The following FTO variants were observed in gnomAD, a reference collection of about 807,000 sequenced individuals.
FTO encodes alpha-ketoglutarate-dependent dioxygenase FTO.
In FTO, 47 loss-of-function variants were observed where a neutral mutation model predicts 63.9. The observed-to-expected ratio is 0.74, with a 90% CI of 0.58 to 0.94. The LOEUF (loss-of-function observed/expected upper bound fraction) is 0.94, where lower values mean the gene tolerates loss of function less well. Ranked by LOEUF, FTO falls within the 40% of genes least tolerant of loss-of-function variation. The probability of loss-of-function intolerance (pLI) is 0.00; values close to 1 mark genes in which losing one functional copy is unlikely to be tolerated. For missense variants in FTO, 562 were observed against 618.1 expected (o/e 0.91, Z 0.96); for synonymous variants, 207 against 224.4 (o/e 0.92, Z 0.69).
At chr16:53,851,047 G>A (rs1303073217) in intron 4 of FTO, among the ~76,000 whole-genome samples, 7 of 151,974 alleles carry the variant, frequency 4.6e-5, no homozygotes, top group Non-Finnish European at 1.0e-4. Flanking sequence ...ACACTACCTG[G>A]TAAAGCTTTT....
chr16:54,008,141 T>C (rs2084254062), intron 8 of FTO, among the ~76,000 whole-genome samples: 1 of 152,216 alleles, frequency 6.6e-6, no homozygotes, highest in Non-Finnish European at 1.5e-5. Flanking sequence ...TCTCCATAAA[T>C]GTAGGTTCCA....
chr16:53,904,911 G>A (rs181217368), intron 7 of FTO, among the ~76,000 whole-genome samples: 163 of 152,082 alleles, frequency 1.1e-3, no homozygotes, highest in Non-Finnish European at 2.1e-3. Flanking sequence ...GCAGGTTGAA[G>A]CCTTTACCTT....
intron 3 of FTO, among the ~76,000 whole-genome samples, chr16:53,832,424 G>GT (rs1490870629): frequency 6.6e-6 from 1 of 151,672 alleles, no homozygotes; most frequent in Non-Finnish European, 1.5e-5. Context: ...TTTTTTTATT[G>GT]TTTTTTATTT....
At chr16:53,873,081 C>G (rs2080545680) in intron 4 of FTO, among the ~76,000 whole-genome samples, 1 of 152,126 alleles carries the variant, frequency 6.6e-6, no homozygotes, top group Non-Finnish European at 1.5e-5. Flanking sequence ...ATGCAACATG[C>G]TGAGTTGGTT....
chr16:54,121,083 C>G lies in FTO; in HGVS notation c.*9168C>G, dbSNP rs1349434934. The G allele has an allele frequency of 6.6e-6, 1 of 152,340 alleles. No individual in the cohort carries two copies. The highest frequency in any genetic ancestry group is 1.9e-4 in the East Asian group (1 of 5,174). 9.4% of individuals were successfully genotyped at this position (152,340 alleles called of 1,614,324 possible). On this transcript the variant is annotated 3_prime_UTR_variant, in exon 9 of 9. Transcript: ENST00000471389. ...AGTTTTATTGGAACGCAGCCATGCT[C>G]ATCGGTTTATGTATTATCTATGGCT... is the stretch of plus-strand genomic sequence containing the variant.
chr16:53,850,209 C>T (rs943214323), intron 4 of FTO, among the ~76,000 whole-genome samples: 1 of 152,138 alleles, frequency 6.6e-6, no homozygotes, highest in South Asian at 2.1e-4. Context: ...CAAATGAGCA[C>T]CTGTCATGTT....
intron 4 of FTO, among the ~76,000 whole-genome samples, chr16:53,848,355 A>G (rs1293820687): frequency 2.0e-5 from 3 of 152,194 alleles, no homozygotes; most frequent in Non-Finnish European, 4.4e-5. Context: ...TGCTGTCTCA[A>G]GTAAATACTC....
At chr16:53,711,217 T>C (rs1236492438) in intron 1 of FTO, 5 of 377,632 alleles carry the variant, frequency 1.3e-5, no homozygotes, top group African/African-American at 4.2e-5. Flanking sequence ...TAAACTTATG[T>C]TGAGTGTCTA....
intron 4 of FTO, among the ~76,000 whole-genome samples, chr16:53,845,683 G>C (rs1006671414): frequency 1.3e-5 from 2 of 152,100 alleles, no homozygotes; most frequent in African/African-American, 4.8e-5. Flanking sequence ...AGTACTAAGG[G>C]CCTGCTACTT....
intron 8 of FTO, among the ~76,000 whole-genome samples, chr16:54,107,912 T>C (rs1256648081): frequency 6.6e-6 from 1 of 152,190 alleles, no homozygotes; most frequent in African/African-American, 2.4e-5. Flanking sequence ...CTCTGATTTA[T>C]TCTCTTGATT....
chr16:54,081,399 T>C (rs1368495180), intron 8 of FTO, among the ~76,000 whole-genome samples: 1 of 152,196 alleles, frequency 6.6e-6, no homozygotes, highest in Non-Finnish European at 1.5e-5. Flanking sequence ...AAACTAGCCA[T>C]GCAGGTATTG....
At chr16:53,826,564 C>A (rs1229066832) in intron 3 of FTO, 73 bp downstream of exon 3, 2 of 1,404,154 alleles carry the variant, frequency 1.4e-6, no homozygotes, top group Non-Finnish European at 1.0e-6. Context: ...TCTGGAGATA[C>A]ACACGCATAT....
chr16:54,098,067 G>T (rs182819290), intron 8 of FTO, among the ~76,000 whole-genome samples: 1 of 152,210 alleles, frequency 6.6e-6, no homozygotes, highest in Non-Finnish European at 1.5e-5. Flanking sequence ...TGAGTGCAAG[G>T]AGAGGGCAGA....
chr16:53,766,688 C>G (rs553425114), intron 1 of FTO, among the ~76,000 whole-genome samples: 7 of 152,212 alleles, frequency 4.6e-5, no homozygotes, highest in Admixed American at 3.9e-4. Flanking sequence ...AAGGTCAGGG[C>G]CAGAGATAGA....
intron 7 of FTO, among the ~76,000 whole-genome samples, chr16:53,897,271 A>G (rs1159389255): frequency 6.6e-6 from 1 of 152,008 alleles, no homozygotes; most frequent in East Asian, 1.9e-4. Flanking sequence ...TTTTTCCTTC[A>G]TATGTATAAA....
intron 8 of FTO, among the ~76,000 whole-genome samples, chr16:54,046,984 G>A (rs1304870413): frequency 6.9e-6 from 1 of 145,812 alleles, no homozygotes; most frequent in East Asian, 2.1e-4. Flanking sequence ...AGATTTAAAC[G>A]TTAGACTTAA....
intron 8 of FTO, chr16:53,991,549 A>C (rs1055888750): frequency 6.6e-6 from 1 of 152,222 alleles, no homozygotes; most frequent in Non-Finnish European, 1.5e-5. Flanking sequence ...TGCAAGCACA[A>C]AACAGCTTTA....
chr16:53,888,600 A>G (rs952644374), intron 6 of FTO, among the ~76,000 whole-genome samples: 1 of 152,114 alleles, frequency 6.6e-6, no homozygotes, highest in African/African-American at 2.4e-5. Context: ...GATTATAGGC[A>G]TGAACCAACA....
intron 8 of FTO, among the ~76,000 whole-genome samples, chr16:53,977,939 G>A (rs775061326): frequency 6.6e-6 from 1 of 152,102 alleles, no homozygotes; most frequent in Non-Finnish European, 1.5e-5. Flanking sequence ...GCTCACTGCA[G>A]CCTCAAACTC....
Sources: allele counts gnomAD v4.1 joint callset (sites outside exome capture counted in the v4.1 genomes callset), GRCh38; gene constraint gnomAD v4.1.1; transcripts MANE v1.5; gene names NCBI Gene and HGNC (gene_info 2026-07-23, HGNC 2026-07-21).